CYFIP1: variants seen among roughly 807,000 people sequenced by gnomAD.
CYFIP1 encodes cytoplasmic FMR1-interacting protein 1.
CYFIP1 carries 58 observed loss-of-function variants against 163.5 expected under a neutral mutation model. That is an observed-to-expected ratio of 0.35 (90% CI 0.29 to 0.44). The LOEUF (loss-of-function observed/expected upper bound fraction) is 0.44. Ranked by LOEUF, CYFIP1 falls within the 20% of genes least tolerant of loss-of-function variation. The pLI, the probability that CYFIP1 is intolerant of heterozygous loss-of-function variation, is 1.00. For missense variants in CYFIP1, 1,338 were observed against 1,653.8 expected (o/e 0.81, Z 3.31); for synonymous variants, 663 against 660.7 (o/e 1.00, Z -0.05).
intron 23 of CYFIP1, among the ~76,000 whole-genome samples, chr15:22,892,297 G>C (rs753093469): frequency 4.6e-5 from 7 of 152,210 alleles, no homozygotes; most frequent in Admixed American, 2.0e-4. Context: ...GAAACGTGAA[G>C]AAACTAGCCC....
In CYFIP1 at chr15:22,977,124, G is replaced by A. The variant is rs549529634; in HGVS notation, c.-7+3163C>T. 2.2e-3 allele frequency among the ~76,000 whole-genome samples: 329 copies of A among 151,908 alleles called. 2 individuals are homozygous for A. The highest frequency in any genetic ancestry group is 7.6e-3 in the African/African-American group (315 of 41,422). On this transcript the variant is annotated intron_variant, in intron 1 of 30. Transcript: ENST00000617928. ...TGAGGCAGGAGAATCGCTTGAACCC[G>A]GGAGGCAGAGGTTGCGGTGGGCCGA...
At chr15:22,980,467 C>G (rs1001607273), upstream of CYFIP1, 1 of 152,160 alleles carries the variant, frequency 6.6e-6, no homozygotes, top group African/African-American at 2.4e-5. Flanking sequence ...GGCCGCGGCC[C>G]CGGCCGCTCC....
At position 22,979,884 on chromosome 15, in the gene CYFIP1, T is replaced by C. The variant is rs527247852; in HGVS notation, c.-7+403A>G. Among the ~76,000 whole-genome samples the C allele has an allele frequency of 3.9e-5, 6 of 152,328 alleles. No homozygotes were observed. In the South Asian group the frequency reaches 1.0e-3, roughly 26 times the overall value. ...CATTAACAATCTGCCTGCTCCTTAC[T>C]TTCCAACAAAAACGTCAAACACTAA... On this transcript the variant is annotated intron_variant, in intron 1 of 30. Transcript: ENST00000617928.
At position 22,873,715 on chromosome 15, in the gene CYFIP1, T is replaced by G; in HGVS notation, c.3225A>C (p.Ala1075=). ...RLGTPQQIAI[A]REGDLLTKER... is the part of the protein sequence containing the mutation. ...CCTTTGTCAGCAGGTCCCCCTCTCT[T>G]GCGATGGCAATTTGCTGCAGAAAGG... is the stretch of plus-strand genomic sequence containing the variant. Residue 1075 remains alanine, a synonymous_variant, in exon 29 of 31, where the codon GCA becomes GCC. Transcript: ENST00000617928. 2.5e-6 allele frequency: 4 copies of G among 1,612,426 alleles called. No individual in the cohort carries two copies. The highest frequency in any genetic ancestry group is 3.4e-6 in the Non-Finnish European group (4 of 1,178,626).
intron 1 of CYFIP1, among the ~76,000 whole-genome samples, chr15:22,961,679 C>A (rs934088359): frequency 6.6e-6 from 1 of 152,134 alleles, no homozygotes; most frequent in African/African-American, 2.4e-5. Context: ...CTTCCCCCTG[C>A]CTGTTTTTCT....
At chr15:22,957,504 C>T (rs556186511) in intron 1 of CYFIP1, among the ~76,000 whole-genome samples, 82 of 152,212 alleles carry the variant, frequency 5.4e-4, no homozygotes, top group African/African-American at 1.4e-3. Context: ...GGCATGGTGG[C>T]GGGCGCCTGT....
chr15:22,879,326 TG>T (rs1193886329), intron 26 of CYFIP1, among the ~76,000 whole-genome samples: 1 of 152,092 alleles, frequency 6.6e-6, no homozygotes, highest in African/African-American at 2.4e-5. Context: ...ACTGAGCTGC[TG>T]TGATGTACAG....
chr15:22,950,028 A>C (rs2062199234), intron 1 of CYFIP1, among the ~76,000 whole-genome samples: 1 of 152,220 alleles, frequency 6.6e-6, no homozygotes, highest in Admixed American at 6.5e-5. Context: ...GATAACATAT[A>C]ATTTAGAATA....
chr15:22,962,282 A>G (rs2062707293), intron 1 of CYFIP1, among the ~76,000 whole-genome samples: 1 of 152,110 alleles, frequency 6.6e-6, no homozygotes, highest in African/African-American at 2.4e-5. Flanking sequence ...CTCACTGCCC[A>G]CACCGAAAGG....
intron 9 of CYFIP1, 129 bp from the exon 10 acceptor site, chr15:22,934,022 A>C (rs1008799699): frequency 3.7e-6 from 2 of 542,818 alleles, no homozygotes; most frequent in East Asian, 6.0e-5. Context: ...GATTCATTAC[A>C]AAAAAAAAAC....
Position 22,910,705 on chromosome 15 carries a change from T to C in CYFIP1, c.2159+32A>G, listed in dbSNP as rs540316252. 1.1e-5 allele frequency: 18 copies of C among 1,608,460 alleles called. No individual in the cohort carries two copies. The African/African-American group carries it at 2.0e-4, about 18-fold the overall frequency. Reference sequence around the variant, plus strand: ...GAATGTCAGATCAAATTATGAAACGTTTTGTATCAAAATCACACACCAGAT... The same window carrying C: ...GAATGTCAGATCAAATTATGAAACGCTTTGTATCAAAATCACACACCAGAT... On this transcript the variant is annotated intron_variant, in intron 19 of 30. Coordinates refer to ENST00000617928, the MANE Select transcript of CYFIP1 (RefSeq NM_014608.6).
chr15:22,894,870 TA>T (rs2060191874), intron 22 of CYFIP1, among the ~76,000 whole-genome samples: 2 of 109,538 alleles, frequency 1.8e-5, no homozygotes. Context: ...ATTTTATATA[TA>T]TATATATTTT....
Position 22,914,727 on chromosome 15 carries a change from C to T in CYFIP1, c.1984G>A (p.Glu662Lys). Residue 662 changes from glutamate to lysine, a missense_variant and splice_region_variant, in exon 17 of 31, where the codon GAG (glutamate) becomes AAG (lysine). By Grantham distance (56) the Glu-to-Lys change is moderately conservative. Around this residue, in one of 4 missense-constraint regions of CYFIP1, gnomAD observed 824 missense variants for 995.7 expected, o/e 0.83. Transcript: ENST00000617928. ...GAGACAGGCCCGCAGGACACGCACT[C>T]CATCATCGATGCCTCCTTGGTCTCC... ...ILETKEASMM[E>K]YVLYSLDLYN... The T allele has an allele frequency of 1.2e-6, 2 of 1,610,514 alleles. No individual in the cohort carries two copies. Among genetic ancestry groups the T allele is most frequent in the South Asian group, 1.1e-5 (1 of 90,440 alleles).
chr15:22,886,381 C>T (rs552863010), intron 23 of CYFIP1, among the ~76,000 whole-genome samples: 2 of 152,178 alleles, frequency 1.3e-5, no homozygotes, highest in South Asian at 4.2e-4. Flanking sequence ...TATAAATTTC[C>T]CTCTCAGCAC....
In CYFIP1 at chr15:22,867,361, C is replaced by G. The variant is rs754415655; in HGVS notation, c.*2667G>C. 1 of 393,718 alleles carries G rather than the reference C, an allele frequency of 2.5e-6. No homozygotes were observed. Among genetic ancestry groups the G allele is most frequent in the Admixed American group, 4.4e-5 (1 of 22,602 alleles). The allele number at this position is 393,718 out of a possible 1,614,324, so 24.4% of individuals were successfully genotyped here. ...TATTTATTAAGGGAAAACTAAGTTA[C>G]TGAATGAAGGAACCTCTTTCTTACA... On this transcript the variant is annotated 3_prime_UTR_variant, in exon 31 of 31. Coordinates refer to ENST00000617928, the MANE Select transcript of CYFIP1 (RefSeq NM_014608.6).
rs2059374859 is a variant in CYFIP1 at position 22,869,895 on chromosome 15, TTAAG to T, written c.*129_*132del. Reference sequence around the variant, plus strand: ...AGAAAAATAAGTCAATTTTATAAAATTAAGTTTTTAGATCGAAAAGCACCCCCTT... The same window carrying T: ...AGAAAAATAAGTCAATTTTATAAAATTTTTTAGATCGAAAAGCACCCCCTT... On this transcript the variant is annotated 3_prime_UTR_variant, in exon 31 of 31. Coordinates refer to ENST00000617928, the MANE Select transcript of CYFIP1 (RefSeq NM_014608.6). 2 of 749,806 alleles carry T rather than the reference TTAAG, an allele frequency of 2.7e-6. No homozygotes were observed. Among genetic ancestry groups the T allele is most frequent in the Non-Finnish European group, 1.9e-6 (1 of 534,340 alleles). The allele number at this position is 749,806 out of a possible 1,614,324, so 46.4% of individuals were successfully genotyped here.
Position 22,928,487 on chromosome 15 carries a change from G to A in CYFIP1, c.1111-459C>T, listed in dbSNP as rs577956683. On this transcript the variant is annotated intron_variant, in intron 11 of 30. Transcript: ENST00000617928. ...TGGACCCTCCTCCCGGGAAAATGGC[G>A]GCCAAGGGCGTGCTGCAGAGCACAG... 8.5e-5 allele frequency among the ~76,000 whole-genome samples: 13 copies of A among 152,210 alleles called. No homozygotes were observed. In the South Asian group the frequency reaches 1.7e-3, roughly 19 times the overall value.
intron 23 of CYFIP1, among the ~76,000 whole-genome samples, chr15:22,884,549 G>C (rs766822821): frequency 1.3e-5 from 2 of 152,208 alleles, no homozygotes; most frequent in African/African-American, 2.4e-5. Flanking sequence ...TGGCTTTGCA[G>C]GGTACAGTCC....
chr15:22,893,079 G>T, intron 22 of CYFIP1, 102 bp from the exon 23 acceptor site: 1 of 788,884 alleles, frequency 1.3e-6, no homozygotes, highest in Non-Finnish European at 2.1e-6. Flanking sequence ...CTTCCTCCCA[G>T]TCAACTGATA....
Sources: gnomAD v4.1 joint callset for allele counts (sites outside exome capture counted in the v4.1 genomes callset) on GRCh38, gnomAD v4.1.1 for gene constraint, gnomAD v4.1.1 regional missense constraint, MANE v1.5 for transcripts, NCBI Gene and HGNC (gene_info 2026-07-23, HGNC 2026-07-21) for gene names.